Variants in KHDRBS2 observed in about 807,000 individuals in gnomAD.
KHDRBS2 encodes KH RNA binding domain containing, signal transduction associated 2.
In KHDRBS2, 26 loss-of-function variants were observed where a neutral mutation model predicts 44.3. The ratio of observed to expected loss-of-function variants is 0.59; its 90% CI spans 0.43 to 0.81. The LOEUF is 0.81. Among genes scored for constraint, KHDRBS2 ranks in the 40% least tolerant of loss-of-function variants. KHDRBS2 has a pLI of 0.00. For synonymous variants in KHDRBS2, 194 were observed against 151.1 expected (o/e 1.28, Z -2.08); for missense variants, 476 against 433.1 (o/e 1.10, Z -0.88).
chr6:61,900,729 A>G (rs938449354), intron 5 of KHDRBS2, among the ~76,000 whole-genome samples: 1 of 152,168 alleles, frequency 6.6e-6, no homozygotes, highest in Non-Finnish European at 1.5e-5. Flanking sequence ...CTATCTCTGT[A>G]TCTCTATCTA....
chr6:61,952,711 A>C (rs1583703419), intron 4 of KHDRBS2, among the ~76,000 whole-genome samples: 1 of 152,198 alleles, frequency 6.6e-6, no homozygotes, highest in East Asian at 1.9e-4. Flanking sequence ...AGAACTATGA[A>C]GATTGCATGA....
chr6:62,028,700 G>A (rs1240489105), intron 3 of KHDRBS2, among the ~76,000 whole-genome samples: 1 of 151,948 alleles, frequency 6.6e-6, no homozygotes, highest in Admixed American at 6.6e-5. Flanking sequence ...TTTGCATGTG[G>A]ATATGTGTGT....
chr6:61,926,831 G>C (rs373308317), intron 4 of KHDRBS2, among the ~76,000 whole-genome samples: 1 of 136,432 alleles, frequency 7.3e-6, no homozygotes, highest in South Asian at 2.3e-4. Context: ...AAACTTCAAA[G>C]AGAAAGAGAC....
chr6:62,153,434 C>T (rs766590922), intron 2 of KHDRBS2, among the ~76,000 whole-genome samples: 3 of 151,920 alleles, frequency 2.0e-5, no homozygotes, highest in Non-Finnish European at 4.4e-5. Context: ...CATTGTACTG[C>T]GATTCATATT....
chr6:61,720,151 C>A (rs566290392), intron 7 of KHDRBS2, among the ~76,000 whole-genome samples: 1 of 152,284 alleles, frequency 6.6e-6, no homozygotes, highest in African/African-American at 2.4e-5. Context: ...TGTATATGTG[C>A]CACGTTTTCT....
intron 1 of KHDRBS2, among the ~76,000 whole-genome samples, chr6:62,211,557 A>G (rs1829045731): frequency 6.6e-6 from 1 of 152,202 alleles, no homozygotes; most frequent in Non-Finnish European, 1.5e-5. Flanking sequence ...TAAACTCTAG[A>G]CTAATTACTT....
chr6:61,728,688 G>A (rs1379878787), intron 7 of KHDRBS2, among the ~76,000 whole-genome samples: 1 of 152,076 alleles, frequency 6.6e-6, no homozygotes, highest in Non-Finnish European at 1.5e-5. Context: ...ACAGTTTGCA[G>A]TATATGATTT....
At chr6:62,100,369 GA>G (rs1170120704) in intron 2 of KHDRBS2, among the ~76,000 whole-genome samples, 2 of 152,162 alleles carry the variant, frequency 1.3e-5, no homozygotes, top group Admixed American at 6.5e-5. Context: ...GACAACAAAG[GA>G]TTCATAATAT....
chr6:62,258,980 G>C (rs1837889102), intron 1 of KHDRBS2, among the ~76,000 whole-genome samples: 1 of 152,082 alleles, frequency 6.6e-6, no homozygotes, highest in Middle Eastern at 3.4e-3. Context: ...TAGGAAAAGG[G>C]AAATTGTTCT....
chr6:61,687,598 G>T (rs1766959617), intron 8 of KHDRBS2, among the ~76,000 whole-genome samples: 1 of 151,754 alleles, frequency 6.6e-6, no homozygotes, highest in Non-Finnish European at 1.5e-5. Context: ...CTTGTTGAAA[G>T]ATTCCTTTCT....
At chr6:61,722,291 G>A (rs1444992097) in intron 7 of KHDRBS2, among the ~76,000 whole-genome samples, 1 of 151,866 alleles carries the variant, frequency 6.6e-6, no homozygotes, top group Admixed American at 6.6e-5. Context: ...ATGCTGGCTG[G>A]TGAAACACCT....
chr6:62,038,324 T>A (rs934558835), intron 3 of KHDRBS2, among the ~76,000 whole-genome samples: 57 of 151,026 alleles, frequency 3.8e-4, no homozygotes, highest in Non-Finnish European at 6.7e-4. Flanking sequence ...GCTGCTGATT[T>A]TTTTTTTTTC....
intron 6 of KHDRBS2, among the ~76,000 whole-genome samples, chr6:61,794,990 T>G (rs1191753578): frequency 6.6e-6 from 1 of 151,316 alleles, no homozygotes; most frequent in Non-Finnish European, 1.5e-5. Context: ...AATACAAAAA[T>G]TAGCTGGGCA....
At chr6:62,201,568 T>C (rs150730449) in intron 1 of KHDRBS2, among the ~76,000 whole-genome samples, 42 of 152,208 alleles carry the variant, frequency 2.8e-4, no homozygotes, top group African/African-American at 9.1e-4. Context: ...ATATTAACAA[T>C]AGAAGACAGT....
chr6:62,278,877 G>A (rs1368758783), intron 1 of KHDRBS2, among the ~76,000 whole-genome samples: 7 of 151,962 alleles, frequency 4.6e-5, no homozygotes, highest in Non-Finnish European at 1.0e-4. Flanking sequence ...GGCGGATCAC[G>A]AGGTCAGGAG....
At chr6:62,261,322 T>G (rs1838300813) in intron 1 of KHDRBS2, among the ~76,000 whole-genome samples, 1 of 151,884 alleles carries the variant, frequency 6.6e-6, no homozygotes, top group Non-Finnish European at 1.5e-5. Flanking sequence ...TACTTAACAG[T>G]TCTGCACTGG....
chr6:62,096,581 C>T (rs1800652132), intron 2 of KHDRBS2, among the ~76,000 whole-genome samples: 1 of 151,572 alleles, frequency 6.6e-6, no homozygotes, highest in Admixed American at 6.6e-5. Context: ...TATTTTTTAT[C>T]TCTGATTTTA....
chr6:62,064,077 C>T (rs370978497), intron 2 of KHDRBS2, among the ~76,000 whole-genome samples: 75 of 120,342 alleles, frequency 6.2e-4, no homozygotes, highest in Middle Eastern at 4.2e-3. Flanking sequence ...TTACAAGGGA[C>T]GTGAAGGACC....
chr6:62,226,109 C>T (rs1440629297), intron 1 of KHDRBS2, among the ~76,000 whole-genome samples: 1 of 152,162 alleles, frequency 6.6e-6, no homozygotes, highest in East Asian at 1.9e-4. Context: ...TGAGGAATTT[C>T]CACAATGTCT....
Sources: gnomAD v4.1 joint callset for allele counts (sites outside exome capture counted in the v4.1 genomes callset) on GRCh38, gnomAD v4.1.1 for gene constraint, MANE v1.5 for transcripts, NCBI Gene and HGNC (gene_info 2026-07-23, HGNC 2026-07-21) for gene names.